The following MTUS1 variants were observed in gnomAD, a reference collection of about 807,000 sequenced individuals.
MTUS1 encodes microtubule associated scaffold protein 1.
MTUS1 carries 109 observed loss-of-function variants against 120.8 expected under a neutral mutation model. That is an observed-to-expected ratio of 0.90 (90% confidence interval 0.77 to 1.06). MTUS1 has a LOEUF of 1.06. Ranked by LOEUF, MTUS1 falls within the 50% of genes least tolerant of loss-of-function variation. The pLI is 0.00. For missense variants in MTUS1, 2,210 were observed against 1,486.3 expected (o/e 1.49, Z -8.01); for synonymous variants, 737 against 550.5 (o/e 1.34, Z -4.74).
At chr8:17,756,265 G>A (rs1384950643) in intron 1 of MTUS1, among the ~76,000 whole-genome samples, 1 of 152,184 alleles carries the variant, frequency 6.6e-6, no homozygotes, top group Non-Finnish European at 1.5e-5. Flanking sequence ...AAAGAGAGGA[G>A]GAGGTAAATC....
Position 17,648,817 on chromosome 8 carries a change from G to C in MTUS1, c.3501+1029C>G, listed in dbSNP as rs6995238. On this transcript the variant is annotated intron_variant, in intron 13 of 14. Coordinates refer to ENST00000693296, the MANE Select transcript of MTUS1 (RefSeq NM_001363059.2). ...GAAGCCTGAGTCACTCATCACTGTG[G>C]GGAGAAGAGGCCAGTAGCATGCGGC... 6.5e-3 allele frequency among the ~76,000 whole-genome samples: 985 copies of C among 152,308 alleles called. 11 individuals are homozygous for C. Among genetic ancestry groups the C allele is most frequent in the African/African-American group, 0.022 (929 of 41,566 alleles).
chr8:17,795,854 T>A (rs896791242), intron 1 of MTUS1, among the ~76,000 whole-genome samples: 1 of 152,108 alleles, frequency 6.6e-6, no homozygotes, highest in African/African-American at 2.4e-5. Flanking sequence ...CAAGCTGGTC[T>A]CAAACTCCTG....
intron 8 of MTUS1, among the ~76,000 whole-genome samples, chr8:17,662,597 G>A (rs1809994872): frequency 6.6e-6 from 1 of 151,694 alleles, no homozygotes; most frequent in South Asian, 2.1e-4. Flanking sequence ...CTCATGATCC[G>A]CCCACCTCAG....
At chr8:17,646,933 G>T in intron 14 of MTUS1, 49 bp downstream of exon 14, 1 of 1,388,934 alleles carries the variant, frequency 7.2e-7, no homozygotes, top group Non-Finnish European at 1.0e-6. Flanking sequence ...TACACTGGAT[G>T]TCCAAGGGAG....
chr8:17,687,087 T>A (rs1031850168), intron 6 of MTUS1, among the ~76,000 whole-genome samples: 1 of 152,168 alleles, frequency 6.6e-6, no homozygotes, highest in Admixed American at 6.5e-5. Flanking sequence ...GATAGCTTTA[T>A]GATTAAGGAG....
intron 6 of MTUS1, among the ~76,000 whole-genome samples, chr8:17,712,336 CATCT>C (rs781364358): frequency 4.4e-4 from 67 of 151,750 alleles, no homozygotes; most frequent in African/African-American, 1.4e-3. Flanking sequence ...GAGATCAATC[CATCT>C]ATCTTTTTTT....
chr8:17,792,673 G>A (rs1040560446), intron 1 of MTUS1, among the ~76,000 whole-genome samples: 5 of 152,214 alleles, frequency 3.3e-5, no homozygotes, highest in South Asian at 2.1e-4. Flanking sequence ...CCACCAGCCT[G>A]GCCAACATGG....
Position 17,645,911 on chromosome 8 carries a change from G to A in MTUS1, c.*15C>T, listed in dbSNP as rs899929922. The A allele has an allele frequency of 1.9e-6, 3 of 1,606,142 alleles. No individual in the cohort carries two copies. Among genetic ancestry groups the A allele is most frequent in the African/African-American group, 2.7e-5 (2 of 74,956 alleles). On this transcript the variant is annotated 3_prime_UTR_variant, in exon 15 of 15. Transcript: ENST00000693296. ...TCAAAATGCTTTCAGAGAGTCTGTG[G>A]ACTTTGGGGAGGTGTCATCTGGGTG... is the stretch of plus-strand genomic sequence containing the variant.
At chr8:17,779,850 C>T (rs535333378) in intron 1 of MTUS1, among the ~76,000 whole-genome samples, 263 of 152,320 alleles carry the variant, frequency 1.7e-3, no homozygotes, top group Middle Eastern at 3.4e-3. Context: ...AAATACACTC[C>T]GATAACAATT....
chr8:17,652,456 T>C (rs1388110783), intron 12 of MTUS1, among the ~76,000 whole-genome samples: 5 of 151,582 alleles, frequency 3.3e-5, no homozygotes, highest in African/African-American at 1.2e-4. Flanking sequence ...TCCATAGAGA[T>C]AGAAAGTAGA....
In MTUS1 at chr8:17,653,231, C is replaced by G. The variant is rs751661673; in HGVS notation, c.3339G>C (p.Leu1113Phe). The G allele has an allele frequency of 5.8e-6, 9 of 1,557,194 alleles. No homozygotes were observed. ...KSENDALNEK[L>F]KSEEQKRRAR... Reference sequence around the variant, plus strand: ...CTCTTCTTTTTTGTTCTTCTGATTTCAATTTTTCATTTAAAGCATCATTTT... The same window carrying G: ...CTCTTCTTTTTTGTTCTTCTGATTTGAATTTTTCATTTAAAGCATCATTTT... Residue 1113 changes from leucine to phenylalanine, a missense_variant, in exon 12 of 15, where the codon TTG becomes TTC. Physicochemically the swap from Leu to Phe is conservative, Grantham distance 22 (BLOSUM62 0). Coordinates refer to ENST00000693296, the MANE Select transcript of MTUS1 (RefSeq NM_001363059.2).
chr8:17,709,029 CG>C (rs1820728079), intron 6 of MTUS1: 1 of 151,936 alleles, frequency 6.6e-6, no homozygotes, highest in African/African-American at 2.4e-5. Context: ...CCCAGCTACG[CG>C]GGAGGCTAAG....
intron 6 of MTUS1, among the ~76,000 whole-genome samples, chr8:17,685,570 A>G (rs1206360448): frequency 6.6e-6 from 1 of 152,224 alleles, no homozygotes; most frequent in Non-Finnish European, 1.5e-5. Flanking sequence ...AAAGAAATTT[A>G]GTAATTACTG....
At chr8:17,657,995 T>C (rs1205718290) in intron 8 of MTUS1, among the ~76,000 whole-genome samples, 1 of 146,210 alleles carries the variant, frequency 6.8e-6, no homozygotes, top group African/African-American at 2.5e-5. Flanking sequence ...ATATAATACA[T>C]ATATACACAT....
chr8:17,673,366 G>C (rs939596148), intron 8 of MTUS1, among the ~76,000 whole-genome samples: 1 of 152,176 alleles, frequency 6.6e-6, no homozygotes, highest in African/African-American at 2.4e-5. Context: ...AATAAAGTGA[G>C]GACTGATGTC....
rs1050269897 is a variant in MTUS1, at chr8:17,644,601, C to G, written c.*1325G>C. 6.6e-6 allele frequency: 1 copy of G among 152,202 alleles called. No individual in the cohort carries two copies. The highest frequency in any genetic ancestry group is 1.5e-5 in the Non-Finnish European group (1 of 68,018). 9.4% of individuals were successfully genotyped at this position (152,202 alleles called of 1,614,324 possible). On this transcript the variant is annotated 3_prime_UTR_variant, in exon 15 of 15. Coordinates refer to ENST00000693296, the MANE Select transcript of MTUS1 (RefSeq NM_001363059.2). ...AAGAAGCGGACCATTCTGCTACTTTCCCAAAGACAAAGGGACTCCTTAAAG... is the reference window on the plus strand; with the variant it reads ...AAGAAGCGGACCATTCTGCTACTTTGCCAAAGACAAAGGGACTCCTTAAAG...
intron 2 of MTUS1, 120 bp downstream of exon 2, chr8:17,753,597 A>C: frequency 1.5e-6 from 1 of 664,714 alleles, no homozygotes; most frequent in African/African-American, 1.8e-5. Context: ...TAACAACTAA[A>C]TGTAAATCTG....
In MTUS1 at chr8:17,646,095, T is replaced by A. The variant is rs1200938368; in HGVS notation, c.3644A>T (p.Lys1215Met). Residue 1215 changes from lysine to methionine, a missense_variant, in exon 15 of 15, where the codon AAG becomes ATG. Transcript: ENST00000693296. ...GAGTCGCTTGTTGACTTTCGACTCC[T>A]TCTCCAGCGACTCTTGCAGAACAGC... The part of the protein sequence containing the change: ...EQAVLQESLE[K>M]ESKVNKRLSM... 1 of 1,609,596 alleles carries A rather than the reference T, an allele frequency of 6.2e-7. No individual in the cohort carries two copies. Among genetic ancestry groups the A allele is most frequent in the Admixed American group, 1.7e-5 (1 of 59,834 alleles).
chr8:17,716,280 C>T (rs970482839), intron 4 of MTUS1, among the ~76,000 whole-genome samples: 1 of 152,152 alleles, frequency 6.6e-6, no homozygotes, highest in Non-Finnish European at 1.5e-5. Flanking sequence ...AGAATTCGCA[C>T]AGTCAGCTAG....
Sources: allele counts gnomAD v4.1 joint callset (sites outside exome capture counted in the v4.1 genomes callset), GRCh38; gene constraint gnomAD v4.1.1; transcripts MANE v1.5; gene names NCBI Gene and HGNC (gene_info 2026-07-23, HGNC 2026-07-21).